Variants in RAP2A observed in about 807,000 individuals in gnomAD.
RAP2A encodes ras-related protein Rap-2a.
Under a neutral mutation model 15.1 loss-of-function variants are expected in RAP2A, and 5 were observed. The observed-to-expected ratio is 0.33, with a 90% CI of 0.17 to 0.70. The LOEUF (loss-of-function observed/expected upper bound fraction) is 0.70. Ranked by LOEUF, RAP2A falls within the 30% of genes least tolerant of loss-of-function variation. The pLI is 0.68. For missense variants in RAP2A, 111 were observed against 240.3 expected, an observed-to-expected ratio of 0.46 and a Z score of 3.56; for synonymous variants, 110 against 99.7, an observed-to-expected ratio of 1.10 and a Z score of -0.62.
rs886796374 is a variant in RAP2A at position 97,450,430 on chromosome 13, G to A, written c.315-13775G>A. Among the ~76,000 whole-genome samples, 4 of 152,132 alleles carry A rather than the reference G, an allele frequency of 2.6e-5. No homozygotes were observed. In the South Asian group the frequency reaches 6.2e-4, roughly 24 times the overall value. ...AAGATAAAATGGATGTTGTATGTCC[G>A]AATACCTCTTCCCCTTCGAGAGATG... On this transcript the variant is annotated intron_variant, in intron 1 of 1. Transcript: ENST00000245304.
At chr13:97,452,584 T>C (rs1389509889) in intron 1 of RAP2A, among the ~76,000 whole-genome samples, 1 of 151,070 alleles carries the variant, frequency 6.6e-6, no homozygotes, top group Non-Finnish European at 1.5e-5. Context: ...GCTTTGGCTC[T>C]TCTAGGTATT....
intron 1 of RAP2A, among the ~76,000 whole-genome samples, chr13:97,449,873 T>C (rs957622175): frequency 6.6e-6 from 1 of 152,154 alleles, no homozygotes; most frequent in Admixed American, 6.5e-5. Context: ...CTCTTCTGAG[T>C]TGTTTATTGC....
intron 1 of RAP2A, among the ~76,000 whole-genome samples, chr13:97,439,900 T>C (rs1040369173): frequency 2.0e-5 from 3 of 152,158 alleles, no homozygotes; most frequent in Non-Finnish European, 2.9e-5. Flanking sequence ...AAGTTGTTTT[T>C]TTTTAAGATT....
At chr13:97,451,060 A>G (rs1016290551) in intron 1 of RAP2A, among the ~76,000 whole-genome samples, 2 of 152,184 alleles carry the variant, frequency 1.3e-5, no homozygotes, top group Non-Finnish European at 2.9e-5. Flanking sequence ...CATTGTACAG[A>G]AGTTTAAAAT....
In RAP2A at chr13:97,464,255, G is replaced by T; in HGVS notation, c.365G>T (p.Ser122Ile). Reference protein sequence around the residue: ...ILVGNKVDLESEREVSSSEGR... With the variant: ...ILVGNKVDLEIEREVSSSEGR... Reference sequence around the variant, plus strand: ...GTTGGGAACAAAGTGGACCTGGAAAGTGAGAGAGAAGTATCGTCCAGCGAA... The same window carrying T: ...GTTGGGAACAAAGTGGACCTGGAAATTGAGAGAGAAGTATCGTCCAGCGAA... Residue 122 changes from serine (S) to isoleucine (I), a missense_variant, in exon 2 of 2, where the codon AGT becomes ATT. Around this residue, in one of 3 missense-constraint regions of RAP2A, gnomAD observed 74 missense variants for 132.3 expected, o/e 0.56. Coordinates refer to ENST00000245304, the MANE Select transcript of RAP2A (RefSeq NM_021033.7). The T allele has an allele frequency of 6.2e-7, 1 of 1,614,224 alleles. No homozygotes were observed. Among genetic ancestry groups the T allele is most frequent in the Non-Finnish European group, 8.5e-7 (1 of 1,180,040 alleles).
At chr13:97,445,498 A>G (rs1489289284) in intron 1 of RAP2A, among the ~76,000 whole-genome samples, 3 of 152,240 alleles carry the variant, frequency 2.0e-5, no homozygotes, top group African/African-American at 7.2e-5. Flanking sequence ...TCTAATGGTT[A>G]ATCCAGTTTA....
intron 1 of RAP2A, among the ~76,000 whole-genome samples, chr13:97,462,089 T>C (rs1483240295): frequency 2.0e-5 from 3 of 147,220 alleles, no homozygotes; most frequent in Non-Finnish European, 4.5e-5. Flanking sequence ...ATATTGTATT[T>C]AAACATTCTT....
chr13:97,460,211 C>T (rs1025623325), intron 1 of RAP2A, among the ~76,000 whole-genome samples: 1 of 152,120 alleles, frequency 6.6e-6, no homozygotes, highest in Admixed American at 6.5e-5. Context: ...TAAGATTTCC[C>T]CCAACATTTT....
chr13:97,434,440 C>A lies in RAP2A; in HGVS notation c.-31C>A. 2 of 1,393,530 alleles carry A rather than the reference C, an allele frequency of 1.4e-6. No homozygotes were observed. The highest frequency in any genetic ancestry group is 1.9e-6 in the Non-Finnish European group (2 of 1,052,208). 86.3% of individuals were successfully genotyped at this position (1,393,530 alleles called of 1,614,324 possible). A position where few individuals can be genotyped will look rare whatever the true frequency, so the allele number is the denominator to read the frequency against. On this transcript the variant is annotated 5_prime_UTR_variant, in exon 1 of 2. Transcript: ENST00000245304. ...GGCCGGCGTAGGTCTATGTCGCGGG[C>A]GGCGGCGGCGGCGGCGGCCGCGGAG...
At chr13:97,449,717 A>G in intron 1 of RAP2A, among the ~76,000 whole-genome samples, 1 of 137,214 alleles carries the variant, frequency 7.3e-6, no homozygotes, top group South Asian at 2.5e-4. Context: ...TTCATTGTGC[A>G]TTTGTTTTAT....
intron 1 of RAP2A, among the ~76,000 whole-genome samples, chr13:97,438,025 A>G (rs1193620837): frequency 6.6e-6 from 1 of 152,236 alleles, no homozygotes; most frequent in African/African-American, 2.4e-5. Context: ...GAAAATGGCT[A>G]TATTTGTAAA....
intron 1 of RAP2A, among the ~76,000 whole-genome samples, chr13:97,461,231 T>C (rs892758527): frequency 1.3e-5 from 2 of 152,186 alleles, no homozygotes; most frequent in Admixed American, 1.3e-4. Flanking sequence ...TGTAGAATCT[T>C]TTCTACTGTC....
At chr13:97,435,960 C>G (rs2066632374) in intron 1 of RAP2A, 1 of 152,098 alleles carries the variant, frequency 6.6e-6, no homozygotes, top group Admixed American at 6.5e-5. Context: ...AGAGCAAGGA[C>G]CAAGTTATGT....
chr13:97,446,570 T>C (rs975131003), intron 1 of RAP2A, among the ~76,000 whole-genome samples: 7 of 152,174 alleles, frequency 4.6e-5, no homozygotes, highest in African/African-American at 1.4e-4. Flanking sequence ...TGTTGATCCA[T>C]AGAGTATGCT....
At position 97,467,610 on chromosome 13, in the gene RAP2A, T is replaced by C. The variant is rs2066777911; in HGVS notation, c.*3168T>C. 6.6e-6 allele frequency: 1 copy of C among 152,602 alleles called. No individual in the cohort carries two copies. Among genetic ancestry groups the C allele is most frequent in the Non-Finnish European group, 1.5e-5 (1 of 68,026 alleles). 9.5% of individuals were successfully genotyped at this position (152,602 alleles called of 1,614,324 possible). A position where few individuals can be genotyped will look rare whatever the true frequency, so the allele number is the denominator to read the frequency against. ...TTAATTTTTTTGTTCTTATCAGCAG[T>C]CTTGTGTTAGCACTGGGTAAGCTTT... On this transcript the variant is annotated 3_prime_UTR_variant, in exon 2 of 2. Coordinates refer to ENST00000245304, the MANE Select transcript of RAP2A (RefSeq NM_021033.7).
intron 1 of RAP2A, among the ~76,000 whole-genome samples, chr13:97,456,044 T>A (rs1324250485): frequency 6.7e-6 from 1 of 149,414 alleles, no homozygotes; most frequent in African/African-American, 2.5e-5. Flanking sequence ...AAAGACAGAT[T>A]TCTAATGAAG....
Position 97,434,574 on chromosome 13 carries a change from C to G in RAP2A, c.104C>G (p.Thr35Ser). The G allele has an allele frequency of 1.2e-6, 2 of 1,614,134 alleles. No individual in the cohort carries two copies. Among genetic ancestry groups the G allele is most frequent in the Non-Finnish European group, 1.7e-6 (2 of 1,180,012 alleles). The change falls in exon 1 of 2, where the codon ACC (threonine) becomes AGC (serine). Residue 35 changes from threonine (T) to serine (S), a missense_variant. Thr to Ser is a moderately conservative substitution (Grantham distance 58). Around this residue, in one of 3 missense-constraint regions of RAP2A, gnomAD observed 17 missense variants for 79.7 expected, o/e 0.21. Coordinates refer to ENST00000245304, the MANE Select transcript of RAP2A (RefSeq NM_021033.7). ...TGTFIEKYDP[T>S]IEDFYRKEIE... ...ACCTTCATCGAGAAATACGACCCCA[C>G]CATCGAGGACTTCTACCGCAAGGAG...
intron 1 of RAP2A, among the ~76,000 whole-genome samples, chr13:97,457,458 T>C (rs1212452759): frequency 1.3e-5 from 2 of 152,002 alleles, no homozygotes; most frequent in Non-Finnish European, 2.9e-5. Flanking sequence ...ACGATACATA[T>C]TATTAAAGTG....
Position 97,434,587 on chromosome 13 carries a change from C to A in RAP2A, c.117C>A (p.Phe39Leu). 1 of 1,614,146 alleles carries A rather than the reference C, an allele frequency of 6.2e-7. No homozygotes were observed. The highest frequency in any genetic ancestry group is 8.5e-7 in the Non-Finnish European group (1 of 1,180,022). The change falls in exon 1 of 2, where the codon TTC (phenylalanine) becomes TTA (leucine). Residue 39 changes from phenylalanine to leucine, a missense_variant. This residue lies in a region of RAP2A where 17 missense variants were observed against 79.7 expected (regional missense o/e 0.21). Transcript: ENST00000245304. ...AATACGACCCCACCATCGAGGACTT[C>A]TACCGCAAGGAGATCGAGGTGGATT... ...IEKYDPTIEDFYRKEIEVDSS... is the reference protein window; with the variant it reads ...IEKYDPTIEDLYRKEIEVDSS...
Sources: gnomAD v4.1 joint callset for allele counts (sites outside exome capture counted in the v4.1 genomes callset) on GRCh38, gnomAD v4.1.1 for gene constraint, gnomAD v4.1.1 regional missense constraint, MANE v1.5 for transcripts, NCBI Gene and HGNC (gene_info 2026-07-23, HGNC 2026-07-21) for gene names.